Variants in ANXA2 observed in about 807,000 individuals in gnomAD.
ANXA2 encodes annexin II.
Under a neutral mutation model 47.3 loss-of-function variants are expected in ANXA2, and 28 were observed. The ratio of observed to expected loss-of-function variants is 0.59; its 90% CI spans 0.44 to 0.81. The LOEUF is 0.81. Ranked by LOEUF, ANXA2 falls within the 40% of genes least tolerant of loss-of-function variation. The probability of loss-of-function intolerance (pLI) is 0.00; values close to 1 mark genes in which losing one functional copy is unlikely to be tolerated. For missense variants in ANXA2, 384 were observed against 414.3 expected (o/e 0.93, Z 0.64); for synonymous variants, 172 against 155.5 (o/e 1.11, Z -0.79).
intron 1 of ANXA2, 166 bp downstream of exon 1, chr15:60,397,777 T>G: frequency 1.3e-6 from 1 of 759,080 alleles, no homozygotes; most frequent in African/African-American, 2.9e-5. Context: ...CTGAGCCCCC[T>G]CCCCAAAGAC....
intron 5 of ANXA2, among the ~76,000 whole-genome samples, chr15:60,359,867 G>C (rs946053699): frequency 6.6e-6 from 1 of 152,228 alleles, no homozygotes; most frequent in African/African-American, 2.4e-5. Context: ...GGCAGTGTCG[G>C]ACTGTTCAAA....
chr15:60,361,112 TA>T, intron 4 of ANXA2, 58 bp from the exon 5 acceptor site: 1 of 1,219,988 alleles, frequency 8.2e-7, no homozygotes, highest in African/African-American at 1.5e-5. Context: ...AACTAGTGAG[TA>T]AAACAAAAGT....
chr15:60,391,615 T>G (rs2063012034), intron 1 of ANXA2, among the ~76,000 whole-genome samples: 1 of 152,148 alleles, frequency 6.6e-6, no homozygotes, highest in Non-Finnish European at 1.5e-5. Context: ...CACCAAAACA[T>G]TTGCTCTGGA....
At chr15:60,359,802 G>C (rs993598608) in intron 5 of ANXA2, among the ~76,000 whole-genome samples, 1 of 151,966 alleles carries the variant, frequency 6.6e-6, no homozygotes, top group Non-Finnish European at 1.5e-5. Context: ...AAAAAATCAA[G>C]ACCAATGGTT....
At chr15:60,359,821 C>G (rs1027388920) in intron 5 of ANXA2, among the ~76,000 whole-genome samples, 2 of 152,226 alleles carry the variant, frequency 1.3e-5, no homozygotes, top group African/African-American at 4.8e-5. Flanking sequence ...TTTCCCTCAT[C>G]TACAGCGCAG....
chr15:60,364,206 A>G (rs1267640434), intron 4 of ANXA2, among the ~76,000 whole-genome samples: 1 of 152,174 alleles, frequency 6.6e-6, no homozygotes, highest in Non-Finnish European at 1.5e-5. Flanking sequence ...TACACTCCTT[A>G]TGAGAACCTA....
chr15:60,390,487 C>A (rs2062994517), intron 1 of ANXA2: 23 of 507,462 alleles, frequency 4.5e-5, no homozygotes, highest in South Asian at 3.2e-4. Context: ...GGCGTTATGA[C>A]AAGAAGCAGA....
chr15:60,353,643 C>G (rs1236710292), intron 8 of ANXA2, among the ~76,000 whole-genome samples: 1 of 152,158 alleles, frequency 6.6e-6, no homozygotes, highest in African/African-American at 2.4e-5. Flanking sequence ...AGCCTAATCC[C>G]CTCCCACTGA....
chr15:60,371,418 C>T (rs2062708367), intron 3 of ANXA2, among the ~76,000 whole-genome samples: 2 of 152,198 alleles, frequency 1.3e-5, no homozygotes, highest in African/African-American at 4.8e-5. Context: ...TCCAAAACCA[C>T]AAAATCAGCC....
intron 3 of ANXA2, among the ~76,000 whole-genome samples, chr15:60,378,631 G>A (rs1172656640): frequency 6.6e-6 from 1 of 152,142 alleles, no homozygotes; most frequent in African/African-American, 2.4e-5. Flanking sequence ...AAGGACCAAT[G>A]GACTTGCAAA....
rs957086651 is a variant in ANXA2 at position 60,379,442 on chromosome 15, A to G, written c.148+2900T>C. Among the ~76,000 whole-genome samples the G allele has an allele frequency of 2.0e-5, 3 of 152,316 alleles. No individual in the cohort carries two copies. In the South Asian group the frequency reaches 6.2e-4, roughly 32 times the overall value. On this transcript the variant is annotated intron_variant, in intron 3 of 12. Transcript: ENST00000451270. ...AGACCACAGATGAACAATGTTTTTC[A>G]TATCTGAAAATAATTCAAGGCAATG...
intron 3 of ANXA2, among the ~76,000 whole-genome samples, chr15:60,374,872 T>C (rs780251448): frequency 1.3e-5 from 2 of 152,312 alleles, no homozygotes. Context: ...TCCCGTTCCC[T>C]TCCAGGAGGG....
At chr15:60,370,297 C>G (rs977969511) in intron 3 of ANXA2, among the ~76,000 whole-genome samples, 1 of 152,152 alleles carries the variant, frequency 6.6e-6, no homozygotes, top group Non-Finnish European at 1.5e-5. Flanking sequence ...ACCGCCCTGC[C>G]CAAGAACCTC....
chr15:60,351,902 T>C (rs893784288), intron 9 of ANXA2, 83 bp from the exon 10 acceptor site: 19 of 951,734 alleles, frequency 2.0e-5, no homozygotes, highest in African/African-American at 1.5e-4. Flanking sequence ...TTATGCACCA[T>C]AATTTTTTTA....
At chr15:60,358,154 A>G in intron 5 of ANXA2, among the ~76,000 whole-genome samples, 1 of 152,206 alleles carries the variant, frequency 6.6e-6, no homozygotes, top group East Asian at 1.9e-4. Context: ...CTTGATAATT[A>G]TGCACTCTTC....
At chr15:60,365,909 G>A (rs1266057760) in intron 3 of ANXA2, among the ~76,000 whole-genome samples, 2 of 127,208 alleles carry the variant, frequency 1.6e-5, no homozygotes, top group Admixed American at 8.8e-5. Flanking sequence ...GCCAAAGCTG[G>A]ACGGTACTGC....
In ANXA2 at chr15:60,357,815, A is replaced by C. The variant is rs191704928; in HGVS notation, c.358-579T>G. Among the ~76,000 whole-genome samples, 96 of 152,192 alleles carry C rather than the reference A, an allele frequency of 6.3e-4. 1 individual carries two copies. The highest frequency in any genetic ancestry group is 2.0e-3 in the Admixed American group (31 of 15,292). On this transcript the variant is annotated intron_variant, in intron 5 of 12. Transcript: ENST00000451270. ...TCTCAAAAAAAAAAAAAAGTAGTGA[A>C]TAGGAAGAGGCAGCAATAGAATATG... is the stretch of plus-strand genomic sequence containing the variant.
At chr15:60,395,870 C>G (rs935939436) in intron 1 of ANXA2, 8 of 152,182 alleles carry the variant, frequency 5.3e-5, no homozygotes, top group African/African-American at 1.9e-4. Flanking sequence ...CATCCTTCCA[C>G]TGCAGATGCA....
At chr15:60,353,275 T>C (rs915743718) in intron 8 of ANXA2, among the ~76,000 whole-genome samples, 1 of 152,186 alleles carries the variant, frequency 6.6e-6, no homozygotes, top group Non-Finnish European at 1.5e-5. Flanking sequence ...TTCTCAGAGA[T>C]AATGGAACTA....
Sources: allele counts gnomAD v4.1 joint callset (sites outside exome capture counted in the v4.1 genomes callset), GRCh38; gene constraint gnomAD v4.1.1; transcripts MANE v1.5; gene names NCBI Gene and HGNC (gene_info 2026-07-23, HGNC 2026-07-21).